Variants in KAT6B observed in about 807,000 individuals in gnomAD.
KAT6B encodes histone acetyltransferase KAT6B.
In KAT6B, 10 loss-of-function variants were observed where a neutral mutation model predicts 187.5. The observed-to-expected ratio is 0.05, with a 90% CI of 0.03 to 0.09. KAT6B has a LOEUF of 0.09. Among genes scored for constraint, KAT6B ranks in the 10% least tolerant of loss-of-function variants. The pLI is 1.00. For synonymous variants in KAT6B, 861 were observed against 926.8 expected, an observed-to-expected ratio of 0.93 and a Z score of 1.29; for missense variants, 1,952 against 2,558.9, an observed-to-expected ratio of 0.76 and a Z score of 5.12.
At chr10:74,883,339 C>T (rs1015137409) in intron 3 of KAT6B, among the ~76,000 whole-genome samples, 10 of 152,064 alleles carry the variant, frequency 6.6e-5, no homozygotes, top group Non-Finnish European at 1.3e-4. Flanking sequence ...ACAAACAGCT[C>T]TTCTGGGACA....
chr10:74,852,405 C>T (rs1842533755), intron 3 of KAT6B, among the ~76,000 whole-genome samples: 6 of 152,172 alleles, frequency 3.9e-5, no homozygotes. Flanking sequence ...CAAATACTTG[C>T]TGTTCCAGGG....
At position 74,875,474 on chromosome 10, in the gene KAT6B, C is replaced by G. The variant is rs866584212; in HGVS notation, c.621+31996C>G. On this transcript the variant is annotated intron_variant, in intron 3 of 17. Transcript: ENST00000287239. Reference sequence around the variant, plus strand: ...AATGGAAAATTGTCTTCCTTTTTTTCTTTTTTTTTTTTTTTCCCTTGAGAT... The same window carrying G: ...AATGGAAAATTGTCTTCCTTTTTTTGTTTTTTTTTTTTTTTCCCTTGAGAT... Among the ~76,000 whole-genome samples the G allele has an allele frequency of 1.5e-4, 21 of 138,980 alleles. No homozygotes were observed. The Middle Eastern group carries it at 0.012, about 78-fold the overall frequency. 91.2% of individuals were successfully genotyped at this position (138,980 alleles called of 152,430 possible). A position where few individuals can be genotyped will look rare whatever the true frequency, so the allele number is the denominator to read the frequency against.
chr10:75,009,925 C>G (rs1028277799), intron 13 of KAT6B, among the ~76,000 whole-genome samples: 1 of 152,170 alleles, frequency 6.6e-6, no homozygotes, highest in Non-Finnish European at 1.5e-5. Context: ...CACTTGAACC[C>G]GGGAGATGGT....
At chr10:74,897,100 C>G (rs556022507) in intron 3 of KAT6B, among the ~76,000 whole-genome samples, 6 of 152,094 alleles carry the variant, frequency 3.9e-5, no homozygotes, top group Non-Finnish European at 8.8e-5. Context: ...TACTGGGATT[C>G]TATTTTCTGT....
chr10:74,913,432 T>A (rs1340280498), intron 3 of KAT6B, among the ~76,000 whole-genome samples: 2 of 152,236 alleles, frequency 1.3e-5, no homozygotes, highest in Admixed American at 1.3e-4. Context: ...TTAAAAGTTA[T>A]GTGAATTTGT....
chr10:74,964,532 G>A (rs529318235), intron 4 of KAT6B, among the ~76,000 whole-genome samples: 9 of 151,968 alleles, frequency 5.9e-5, no homozygotes, highest in East Asian at 3.9e-4. Context: ...GATGTCTGTC[G>A]TGGCCCTGTG....
At chr10:74,883,976 T>G in intron 3 of KAT6B, among the ~76,000 whole-genome samples, 1 of 152,198 alleles carries the variant, frequency 6.6e-6, no homozygotes, top group East Asian at 1.9e-4. Flanking sequence ...ATAGAAGACT[T>G]CTTTTCTCTA....
intron 3 of KAT6B, among the ~76,000 whole-genome samples, chr10:74,938,651 C>A (rs1019427956): frequency 6.6e-6 from 1 of 152,092 alleles, no homozygotes; most frequent in African/African-American, 2.4e-5. Context: ...AAAAAATTTC[C>A]ATGCCCTTGT....
At chr10:74,859,078 T>A (rs917524731) in intron 3 of KAT6B, among the ~76,000 whole-genome samples, 2 of 152,026 alleles carry the variant, frequency 1.3e-5, no homozygotes, top group African/African-American at 4.8e-5. Flanking sequence ...TGAAGAATTT[T>A]ATGTCTTTTA....
chr10:74,900,532 G>A (rs1846304134), intron 3 of KAT6B, among the ~76,000 whole-genome samples: 1 of 152,218 alleles, frequency 6.6e-6, no homozygotes, highest in Non-Finnish European at 1.5e-5. Context: ...TTCTTTTCCA[G>A]CGCACGTGTA....
chr10:74,886,570 C>A (rs1352673436), intron 3 of KAT6B, among the ~76,000 whole-genome samples: 1 of 152,202 alleles, frequency 6.6e-6, no homozygotes, highest in Non-Finnish European at 1.5e-5. Context: ...CCGTGCCCCA[C>A]ATCTGGGAGG....
At position 75,030,607 on chromosome 10, in the gene KAT6B, A is replaced by C. The variant is rs374914802; in HGVS notation, c.5783A>C (p.Lys1928Thr). 1 of 1,612,908 alleles carries C rather than the reference A, an allele frequency of 6.2e-7. No individual in the cohort carries two copies. Residue 1928 changes from lysine to threonine, a missense_variant, in exon 18 of 18, where the codon AAG (lysine) becomes ACG (threonine). Physicochemically the swap from Lys to Thr is moderately conservative, Grantham distance 78. Coordinates refer to ENST00000287239, the MANE Select transcript of KAT6B (RefSeq NM_012330.4). This position sits in a 1 kb window ranked among gnomAD's most constrained non-coding sequence, Gnocchi z 4.8. ...ASKGHISMRT[K>T]SASLSPAAAT... ...AAGGGCCACATCTCCATGAGAACCA[A>C]GTCAGCGTCTCTGTCACCAGCCGCT...
At chr10:75,021,838 A>G in intron 15 of KAT6B, 43 bp from the exon 16 acceptor site, 1 of 1,609,368 alleles carries the variant, frequency 6.2e-7, no homozygotes, top group Non-Finnish European at 8.5e-7. Flanking sequence ...CTGGCTGTGT[A>G]ACTGCCCTCT....
At chr10:74,933,443 T>C (rs1849021939) in intron 3 of KAT6B, among the ~76,000 whole-genome samples, 1 of 152,230 alleles carries the variant, frequency 6.6e-6, no homozygotes, top group South Asian at 2.1e-4. Flanking sequence ...GATTAATTCA[T>C]GAGCCCCAAC....
intron 13 of KAT6B, among the ~76,000 whole-genome samples, chr10:74,992,898 T>G (rs965109642): frequency 1.3e-5 from 2 of 152,178 alleles, no homozygotes; most frequent in African/African-American, 4.8e-5. Flanking sequence ...TATGACTCTT[T>G]GCCCACAATT....
At chr10:74,828,914 TTA>T (rs1364593597) in intron 1 of KAT6B, among the ~76,000 whole-genome samples, 1 of 152,082 alleles carries the variant, frequency 6.6e-6, no homozygotes, top group East Asian at 1.9e-4. Flanking sequence ...GGACAGTATT[TTA>T]TGTTTTTAAG....
intron 3 of KAT6B, among the ~76,000 whole-genome samples, chr10:74,853,504 G>A (rs1842622380): frequency 6.6e-6 from 1 of 151,978 alleles, no homozygotes; most frequent in African/African-American, 2.4e-5. Flanking sequence ...ACGTTGCCCA[G>A]GCTGGTCTTG....
chr10:75,027,527 G>A (rs2134223412), intron 17 of KAT6B, among the ~76,000 whole-genome samples: 1 of 152,140 alleles, frequency 6.6e-6, no homozygotes, highest in South Asian at 2.1e-4. Context: ...GATTCTAGAA[G>A]ATTGGTGTAA....
chr10:74,939,250 T>G (rs1302423431), intron 3 of KAT6B, among the ~76,000 whole-genome samples: 1 of 152,138 alleles, frequency 6.6e-6, no homozygotes, highest in Non-Finnish European at 1.5e-5. Context: ...GTAAAGGCTG[T>G]GAGGATGTAT....
Sources: allele counts gnomAD v4.1 joint callset (sites outside exome capture counted in the v4.1 genomes callset), GRCh38; gene constraint gnomAD v4.1.1; non-coding constraint Gnocchi (gnomAD v3.1); transcripts MANE v1.5; gene names NCBI Gene and HGNC (gene_info 2026-07-23, HGNC 2026-07-21).